NDFIP2: variants seen among roughly 807,000 people sequenced by gnomAD.
NDFIP2 encodes the protein Nedd4 family interacting protein 2, also known as NEDD4 family-interacting protein 2.
NDFIP2 carries 19 observed loss-of-function variants against 36.0 expected under a neutral mutation model. That is an observed-to-expected ratio of 0.53 (90% CI 0.37 to 0.77). The LOEUF (loss-of-function observed/expected upper bound fraction) is 0.77, where lower values mean the gene tolerates loss of function less well. Ranked by LOEUF, NDFIP2 falls within the 30% of genes least tolerant of loss-of-function variation. The pLI is 0.00. For missense variants in NDFIP2, 446 were observed against 435.8 expected, an observed-to-expected ratio of 1.02 and a Z score of -0.21; for synonymous variants, 181 against 167.7, an observed-to-expected ratio of 1.08 and a Z score of -0.61.
chr13:79,550,047 C>G (rs1033341468), intron 6 of NDFIP2, among the ~76,000 whole-genome samples: 1 of 151,822 alleles, frequency 6.6e-6, no homozygotes, highest in Non-Finnish European at 1.5e-5. Flanking sequence ...AATTCACAAA[C>G]TCCTTTTCCT....
Position 79,504,994 on chromosome 13 carries a change from C to T in NDFIP2, c.322-15816C>T, listed in dbSNP as rs182995621. The stretch of plus-strand genomic sequence containing the variant: ...CCAGCAGGAGCCTGTTCCATCTGCT[C>T]TTGCATCCTTGTAACATGTTCTTGG... On this transcript the variant is annotated intron_variant, in intron 1 of 7. Transcript: ENST00000218652. 3.5e-4 allele frequency among the ~76,000 whole-genome samples: 53 copies of T among 152,300 alleles called. 1 individual carries two copies. The highest frequency in any genetic ancestry group is 9.8e-4 in the Admixed American group (15 of 15,294).
intron 3 of NDFIP2, among the ~76,000 whole-genome samples, chr13:79,534,857 A>G (rs530217059): frequency 1.3e-5 from 2 of 152,268 alleles, no homozygotes; most frequent in South Asian, 4.1e-4. Flanking sequence ...TTGATCAGCA[A>G]TAACCCTATT....
At chr13:79,505,462 T>G (rs1193800603) in intron 1 of NDFIP2, among the ~76,000 whole-genome samples, 1 of 151,904 alleles carries the variant, frequency 6.6e-6, no homozygotes, top group Admixed American at 6.6e-5. Flanking sequence ...AGACTTCAGC[T>G]CTACAAAAAA....
chr13:79,524,489 G>A (rs1874713435), intron 2 of NDFIP2, among the ~76,000 whole-genome samples: 1 of 152,208 alleles, frequency 6.6e-6, no homozygotes, highest in South Asian at 2.1e-4. Flanking sequence ...CTAGGCAAGT[G>A]TATGTGGCCT....
intron 2 of NDFIP2, among the ~76,000 whole-genome samples, chr13:79,525,145 T>C (rs1383096548): frequency 6.6e-6 from 1 of 152,244 alleles, no homozygotes; most frequent in Non-Finnish European, 1.5e-5. Flanking sequence ...AATGGCTCAG[T>C]GTCTCTGGTT....
chr13:79,493,135 T>G (rs138382144), intron 1 of NDFIP2, among the ~76,000 whole-genome samples: 1 of 152,330 alleles, frequency 6.6e-6, no homozygotes, highest in African/African-American at 2.4e-5. Flanking sequence ...CTGTCTTGTT[T>G]ATAATAGTTT....
chr13:79,496,184 A>G (rs1022804779), intron 1 of NDFIP2, among the ~76,000 whole-genome samples: 3 of 151,898 alleles, frequency 2.0e-5, no homozygotes, highest in Non-Finnish European at 4.4e-5. Context: ...ATTTCTTTTT[A>G]ATGTGAAGAA....
chr13:79,487,276 G>C (rs1177806517), intron 1 of NDFIP2, among the ~76,000 whole-genome samples: 3 of 151,984 alleles, frequency 2.0e-5, no homozygotes, highest in Non-Finnish European at 4.4e-5. Context: ...GAATCATACA[G>C]CATGTAGTCT....
rs1307320293 is a variant in NDFIP2, at chr13:79,554,121, T to G, written c.*1608T>G. On this transcript the variant is annotated 3_prime_UTR_variant, in exon 8 of 8. Coordinates refer to ENST00000218652, the MANE Select transcript of NDFIP2 (RefSeq NM_019080.3). ...TATTTTTTGTTTTGTCTCATTCAGT[T>G]TACTTTCCTGCGTAGAATTTTTATT... 1 of 151,666 alleles carries G rather than the reference T, an allele frequency of 6.6e-6. No homozygotes were observed. The allele number at this position is 151,666 out of a possible 1,614,324, so 9.4% of individuals were successfully genotyped here.
At chr13:79,551,221 GT>G (rs1875897018) in intron 7 of NDFIP2, 99 bp downstream of exon 7, 1 of 570,276 alleles carries the variant, frequency 1.8e-6, no homozygotes, top group Admixed American at 3.4e-5. Flanking sequence ...GATTTTTACT[GT>G]TAGCATATTT....
intron 1 of NDFIP2, among the ~76,000 whole-genome samples, chr13:79,503,285 A>G (rs956058089): frequency 6.6e-6 from 1 of 152,136 alleles, no homozygotes; most frequent in African/African-American, 2.4e-5. Context: ...GCAGCCACCT[A>G]CATAGTCACG....
intron 1 of NDFIP2, among the ~76,000 whole-genome samples, chr13:79,482,636 T>C (rs1163002420): frequency 6.6e-6 from 1 of 152,174 alleles, no homozygotes; most frequent in Non-Finnish European, 1.5e-5. Context: ...AGACAGGTTA[T>C]AAGCCAAGAC....
intron 3 of NDFIP2, among the ~76,000 whole-genome samples, chr13:79,534,063 G>A (rs956318885): frequency 3.3e-5 from 5 of 152,068 alleles, no homozygotes; most frequent in Admixed American, 6.6e-5. Flanking sequence ...GGCCCCTCAT[G>A]TGTTAGCCTT....
rs537045937 is a variant in NDFIP2, at chr13:79,537,461, C to A, written c.622-2221C>A. Among the ~76,000 whole-genome samples the A allele has an allele frequency of 3.3e-5, 5 of 152,202 alleles. No individual in the cohort carries two copies. In the South Asian group the frequency reaches 1.0e-3, roughly 32 times the overall value. On this transcript the variant is annotated intron_variant, in intron 3 of 7. Coordinates refer to ENST00000218652, the MANE Select transcript of NDFIP2 (RefSeq NM_019080.3). Reference sequence around the variant, plus strand: ...TATGAAATATATTTTTGCCATCACACTGACAATTTTTTGTTCTTACTGTGC... The same window carrying A: ...TATGAAATATATTTTTGCCATCACAATGACAATTTTTTGTTCTTACTGTGC...
chr13:79,481,390 G>T lies in NDFIP2; in HGVS notation c.187G>T (p.Gly63Cys). The change falls in exon 1 of 8, where the codon GGC (glycine) becomes TGC (cysteine). Residue 63 changes from glycine (G) to cysteine (C), a missense_variant. Physicochemically the swap from Gly to Cys is radical, Grantham distance 159. Around this residue, in one of 2 missense-constraint regions of NDFIP2, gnomAD observed 369 missense variants for 304.8 expected, o/e 1.21. Coordinates refer to ENST00000218652, the MANE Select transcript of NDFIP2 (RefSeq NM_019080.3). ...CGGCTGCAGGAACGGAGGCGGAAGG[G>T]GCCCTGCGGCGACGACGTCGTCGAC... ...DRGCRNGGGR[G>C]PAATTSSTGV... The T allele has an allele frequency of 6.4e-7, 1 of 1,555,660 alleles. No individual in the cohort carries two copies. Among genetic ancestry groups the T allele is most frequent in the East Asian group, 2.4e-5 (1 of 41,814 alleles).
At chr13:79,505,027 G>A (rs1195981129) in intron 1 of NDFIP2, among the ~76,000 whole-genome samples, 1 of 152,110 alleles carries the variant, frequency 6.6e-6, no homozygotes, top group Non-Finnish European at 1.5e-5. Context: ...TGGCATTTTT[G>A]TACTTTCTTG....
intron 1 of NDFIP2, among the ~76,000 whole-genome samples, chr13:79,501,116 A>G (rs1445183294): frequency 1.3e-5 from 2 of 152,048 alleles, no homozygotes; most frequent in East Asian, 3.9e-4. Flanking sequence ...TGGAAAAACA[A>G]AACTAAGGAG....
chr13:79,551,054 A>G lies in NDFIP2; in HGVS notation c.945A>G (p.Leu315=), dbSNP rs756246380. ...TCTTCAGAGGATTTGTTAATTATCTAAAAGTCAGAAACATGTCTGAAAGTA... is the reference window on the plus strand; with the variant it reads ...TCTTCAGAGGATTTGTTAATTATCTGAAAGTCAGAAACATGTCTGAAAGTA... ...LLFFRGFVNY[L]KVRNMSESMA... Residue 315 remains leucine, a synonymous_variant, in exon 7 of 8, where the codon CTA becomes CTG. Transcript: ENST00000218652. 2.5e-6 allele frequency: 4 copies of G among 1,604,328 alleles called. No individual in the cohort carries two copies. The highest frequency in any genetic ancestry group is 2.3e-5 in the East Asian group (1 of 44,414).
intron 5 of NDFIP2, among the ~76,000 whole-genome samples, chr13:79,544,133 A>G (rs1205633599): frequency 6.6e-6 from 1 of 152,202 alleles, no homozygotes. Flanking sequence ...AAATTAAGTT[A>G]AAACATAAAA....
Sources: allele counts gnomAD v4.1 joint callset (sites outside exome capture counted in the v4.1 genomes callset), GRCh38; gene constraint gnomAD v4.1.1; regional missense constraint gnomAD v4.1.1; transcripts MANE v1.5; gene names NCBI Gene and HGNC (gene_info 2026-07-23, HGNC 2026-07-21).